NBPF19: variants seen among roughly 807,000 people sequenced by gnomAD.
The protein encoded by NBPF19 is NBPF member 19, also known as NBPF family member NBPF19.
NBPF19 carries 30 observed loss-of-function variants against 45.9 expected under a neutral mutation model. The observed-to-expected ratio is 0.65, with a 90% CI of 0.49 to 0.89. The LOEUF (loss-of-function observed/expected upper bound fraction) is 0.89. NBPF19 is among the 40% of genes least tolerant of loss of function. The pLI is 0.00. For synonymous variants in NBPF19, 183 were observed against 181.2 expected, an observed-to-expected ratio of 1.01 and a Z score of -0.08; for missense variants, 495 against 471.8, an observed-to-expected ratio of 1.05 and a Z score of -0.46.
chr1:149,481,368 TTTC>T (rs2085171600), intron 6 of NBPF19, among the ~76,000 whole-genome samples: 2 of 121,298 alleles, frequency 1.6e-5, no homozygotes, highest in Non-Finnish European at 3.4e-5. Flanking sequence ...GACGGAAACT[TTTC>T]TTCTTTACTT....
intron 2 of NBPF19, among the ~76,000 whole-genome samples, chr1:149,477,691 C>T (rs1348507466): frequency 6.6e-6 from 1 of 151,288 alleles, no homozygotes; most frequent in African/African-American, 2.4e-5. Context: ...TCTGACTCCA[C>T]TTCGTTGTGG....
chr1:149,484,422 C>T (rs1392011619), intron 7 of NBPF19, among the ~76,000 whole-genome samples: 9 of 141,808 alleles, frequency 6.3e-5, no homozygotes, highest in African/African-American at 1.3e-4. Context: ...GGGTGAAGCA[C>T]GCCAATGTGG....
chr1:149,478,509 G>C (rs2084983492), intron 3 of NBPF19, among the ~76,000 whole-genome samples: 1 of 150,974 alleles, frequency 6.6e-6, no homozygotes, highest in Non-Finnish European at 1.5e-5. Flanking sequence ...CCTCATTTCT[G>C]TACATGGCTT....
intron 93 of NBPF19, 72 bp from the exon 94 acceptor site, chr1:149,554,423 T>G (rs1355598828): frequency 1.0e-5 from 16 of 1,607,492 alleles, no homozygotes; most frequent in Admixed American, 5.0e-5. Flanking sequence ...TTATGTGACT[T>G]CTGAAATCTA....
intron 9 of NBPF19, among the ~76,000 whole-genome samples, chr1:149,487,756 C>A (rs1420657858): frequency 2.7e-5 from 4 of 147,924 alleles, no homozygotes; most frequent in Admixed American, 6.8e-5. Flanking sequence ...TGTCACCTGA[C>A]CAATTGACTG....
intron 13 of NBPF19, among the ~76,000 whole-genome samples, chr1:149,490,915 T>G (rs1183772166): frequency 7.5e-6 from 1 of 133,364 alleles, no homozygotes; most frequent in African/African-American, 3.0e-5. Context: ...TGTGTGTGTG[T>G]GTGTGCGTGT....
rs1200775684 is a variant in NBPF19, at chr1:149,475,156, A to T, written c.-675A>T. On this transcript the variant is annotated 5_prime_UTR_variant, in exon 1 of 94. Transcript: ENST00000651566. ...AATCAATCTAACAATGGGATGCAGC[A>T]GCAAGAATACTGAGACAGGAAAGAA... Among the ~76,000 whole-genome samples the T allele has an allele frequency of 1.1e-3, 168 of 148,358 alleles. 8 individuals carry two copies. Among genetic ancestry groups the T allele is most frequent in the African/African-American group, 3.7e-3 (151 of 40,450 alleles).
intron 4 of NBPF19, among the ~76,000 whole-genome samples, chr1:149,479,672 T>C (rs1187787341): frequency 9.4e-5 from 14 of 149,312 alleles, no homozygotes; most frequent in Non-Finnish European, 1.9e-4. Flanking sequence ...GCACTCCCCA[T>C]GGATAGAATG....
intron 8 of NBPF19, among the ~76,000 whole-genome samples, chr1:149,487,095 GACAGAGC>G (rs1314958213): frequency 6.6e-6 from 1 of 150,846 alleles, no homozygotes; most frequent in Admixed American, 6.6e-5. Flanking sequence ...ATAAACCTAG[GACAGAGC>G]ACATAGGGAA....
chr1:149,554,711 C>T lies in NBPF19; in HGVS notation c.11505C>T (p.Phe3835=), dbSNP rs1220171260. 3.7e-6 allele frequency: 6 copies of T among 1,608,188 alleles called. No individual in the cohort carries two copies. Among genetic ancestry groups the T allele is most frequent in the East Asian group, 4.5e-5 (2 of 44,846 alleles). ...CGGTGACAAGTCTCCATCTGGTGTT[C>T]CAGATGTTAGTCATATTCCCACAAT... The part of the protein sequence containing the change: ...TLTVTSLHLV[F]QMLVIFPQ The change falls in exon 94 of 94, where the codon TTC becomes TTT. Residue 3835 remains phenylalanine (F), a synonymous_variant. Coordinates refer to ENST00000651566, the MANE Select transcript of NBPF19 (RefSeq NM_001351365.2).
At position 149,481,434 on chromosome 1, in the gene NBPF19, A is replaced by G. The variant is rs1183200394; in HGVS notation, c.772+550A>G. 2.9e-5 allele frequency among the ~76,000 whole-genome samples: 3 copies of G among 105,044 alleles called. No homozygotes were observed. The Admixed American group carries it at 3.0e-4, about 11-fold the overall frequency. 68.9% of individuals were successfully genotyped at this position (105,044 alleles called of 152,430 possible). A position where few individuals can be genotyped will look rare whatever the true frequency, so the allele number is the denominator to read the frequency against. On this transcript the variant is annotated intron_variant, in intron 6 of 93. Coordinates refer to ENST00000651566, the MANE Select transcript of NBPF19 (RefSeq NM_001351365.2). ...TGGACCCTGGTTCTCCACCCTGTCA[A>G]TGCAATGGCTGATCCAATGTTTCTT... is the stretch of plus-strand genomic sequence containing the variant.
chr1:149,478,268 T>TA (rs2084965416), intron 3 of NBPF19, among the ~76,000 whole-genome samples: 1 of 151,172 alleles, frequency 6.6e-6, no homozygotes, highest in Non-Finnish European at 1.5e-5. Context: ...TTCAAACAAG[T>TA]AATTGTTGAG....
chr1:149,483,327 G>C (rs2085315479), intron 7 of NBPF19, among the ~76,000 whole-genome samples: 1 of 105,216 alleles, frequency 9.5e-6, no homozygotes, highest in Non-Finnish European at 2.0e-5. Context: ...TTTAAAGTCT[G>C]TTTTATCAGA....
At chr1:149,490,921 C>CGTGTGT (rs1159751982) in intron 13 of NBPF19, among the ~76,000 whole-genome samples, 1 of 125,984 alleles carries the variant, frequency 7.9e-6, no homozygotes, top group Non-Finnish European at 1.7e-5. Context: ...TGTGTGTGTG[C>CGTGTGT]GTGTGTGTGT....
chr1:149,487,238 A>C (rs1174549592), intron 8 of NBPF19, 94 bp from the exon 9 acceptor site: 15 of 847,638 alleles, frequency 1.8e-5, no homozygotes, highest in African/African-American at 6.6e-5. Flanking sequence ...CACACTGACA[A>C]GACTGATGTC....
chr1:149,478,560 A>T (rs2084986297), intron 3 of NBPF19, among the ~76,000 whole-genome samples: 1 of 151,194 alleles, frequency 6.6e-6, no homozygotes, highest in Admixed American at 6.6e-5. Context: ...GTATTTTCAC[A>T]TGGAAATGTC....
chr1:149,554,552 T>G lies in NBPF19; in HGVS notation c.11346T>G (p.Asp3782Glu), dbSNP rs1171319069. 6.2e-7 allele frequency: 1 copy of G among 1,608,166 alleles called. No individual in the cohort carries two copies. The highest frequency in any genetic ancestry group is 8.5e-7 in the Non-Finnish European group (1 of 1,176,760). Reference protein sequence around the residue: ...EEPEVLQDSLDGCYSTPSMYF... With the variant: ...EEPEVLQDSLEGCYSTPSMYF... ...CTGAAGTCTTACAGGACTCACTGGA[T>G]GGATGTTATTCGACTCCGTCAATGT... Residue 3782 changes from aspartate (D) to glutamate (E), a missense_variant, in exon 94 of 94, where the codon GAT becomes GAG. By Grantham distance (45) the Asp-to-Glu change is conservative. Around this residue, in one of 8 missense-constraint regions of NBPF19, gnomAD observed 248 missense variants for 95.4 expected, o/e 2.60. Transcript: ENST00000651566.
chr1:149,514,693 CTGTGTGTGTGTGTGTGTG>C (rs1224656992), intron 43 of NBPF19, among the ~76,000 whole-genome samples: 4 of 89,752 alleles, frequency 4.5e-5, no homozygotes, highest in Admixed American at 2.5e-4. Context: ...CTCTCTCTCT[CTGTGTGTGTGTGTGTGTG>C]TGTGTGTGTG....
intron 1 of NBPF19, 33 bp from the exon 2 acceptor site, chr1:149,475,864 TA>T (rs2084781120): frequency 1.6e-6 from 1 of 611,524 alleles, no homozygotes; most frequent in Non-Finnish European, 2.9e-6. Flanking sequence ...CACCAGTTTT[TA>T]ACCCATCATA....
Sources: allele counts gnomAD v4.1 joint callset (sites outside exome capture counted in the v4.1 genomes callset), GRCh38; gene constraint gnomAD v4.1.1; regional missense constraint gnomAD v4.1.1; transcripts MANE v1.5; gene names NCBI Gene and HGNC (gene_info 2026-07-23, HGNC 2026-07-21).